The following SERPINI1 variants were observed in gnomAD, a reference collection of about 807,000 sequenced individuals.
SERPINI1 encodes serpin family I member 1, also known as neuroserpin.
In SERPINI1, 19 loss-of-function variants were observed where a neutral mutation model predicts 41.1. That is an observed-to-expected ratio of 0.46 (90% CI 0.32 to 0.68). The LOEUF (loss-of-function observed/expected upper bound fraction) is 0.68. Ranked by LOEUF, SERPINI1 falls within the 30% of genes least tolerant of loss-of-function variation. The probability of loss-of-function intolerance (pLI) is 0.03; values close to 1 mark genes in which losing one functional copy is unlikely to be tolerated. For missense variants in SERPINI1, 460 were observed against 479.2 expected (o/e 0.96, Z 0.37); for synonymous variants, 138 against 156.6 (o/e 0.88, Z 0.89).
intron 1 of SERPINI1, among the ~76,000 whole-genome samples, chr3:167,764,074 C>A (rs899819549): frequency 1.3e-5 from 2 of 152,094 alleles, no homozygotes; most frequent in African/African-American, 4.8e-5. Flanking sequence ...GCAAAAAACA[C>A]TTAAATAATT....
chr3:167,801,213 C>T lies in SERPINI1; in HGVS notation c.882-6031C>T, dbSNP rs552146160. Among the ~76,000 whole-genome samples the T allele has an allele frequency of 4.6e-5, 7 of 152,288 alleles. 1 individual carries two copies. In the South Asian group the frequency reaches 1.5e-3, roughly 32 times the overall value. ...CCTTATATGTGTTATAGTCTCCTAC[C>T]TAGGATATATTTGTTATTTTCTAAC... On this transcript the variant is annotated intron_variant, in intron 5 of 8. Coordinates refer to ENST00000446050, the MANE Select transcript of SERPINI1 (RefSeq NM_001122752.2).
chr3:167,801,644 G>T (rs1388843716), intron 5 of SERPINI1, among the ~76,000 whole-genome samples: 1 of 151,800 alleles, frequency 6.6e-6, no homozygotes, highest in Admixed American at 6.6e-5. Flanking sequence ...AGAGCATCAT[G>T]GAAATCATTA....
chr3:167,744,909 G>A (rs1489752783), intron 1 of SERPINI1, among the ~76,000 whole-genome samples: 2 of 139,840 alleles, frequency 1.4e-5, no homozygotes, highest in Admixed American at 1.5e-4. Flanking sequence ...AGTATTGAAG[G>A]GTGCCAAGCC....
chr3:167,823,564 G>T (rs900944582), intron 7 of SERPINI1, among the ~76,000 whole-genome samples: 1 of 151,756 alleles, frequency 6.6e-6, no homozygotes, highest in African/African-American at 2.4e-5. Context: ...GGGTAAATGG[G>T]GTATTCATCA....
intron 4 of SERPINI1, among the ~76,000 whole-genome samples, chr3:167,793,596 A>ATATT: frequency 2.1e-4 from 30 of 140,618 alleles, no homozygotes; most frequent in African/African-American, 7.7e-4. Context: ...ATATATATAT[A>ATATT]TTTTTAATTA....
chr3:167,779,570 A>T (rs551632442), intron 1 of SERPINI1, among the ~76,000 whole-genome samples: 2 of 152,336 alleles, frequency 1.3e-5, no homozygotes, highest in Admixed American at 1.3e-4. Flanking sequence ...CAAAACCCAT[A>T]GAGTCAGATA....
At chr3:167,805,242 G>T (rs1002207804) in intron 5 of SERPINI1, among the ~76,000 whole-genome samples, 1 of 152,014 alleles carries the variant, frequency 6.6e-6, no homozygotes, top group Non-Finnish European at 1.5e-5. Flanking sequence ...TCACCATTCT[G>T]ACTGGCGTGA....
At chr3:167,822,856 T>C (rs1438838842) in intron 6 of SERPINI1, 130 bp from the exon 7 acceptor site, 1 of 653,120 alleles carries the variant, frequency 1.5e-6, no homozygotes, top group Non-Finnish European at 2.8e-6. Context: ...TAATGAAATC[T>C]TTTAACATTA....
At chr3:167,758,906 A>T (rs1240869337) in intron 1 of SERPINI1, among the ~76,000 whole-genome samples, 1 of 152,218 alleles carries the variant, frequency 6.6e-6, no homozygotes, top group African/African-American at 2.4e-5. Flanking sequence ...TTCAAAATTA[A>T]AATTTAAAAT....
chr3:167,799,785 T>C (rs958368502), intron 5 of SERPINI1, among the ~76,000 whole-genome samples: 6 of 152,268 alleles, frequency 3.9e-5, no homozygotes, highest in Non-Finnish European at 7.3e-5. Context: ...TTTGCATTTC[T>C]CTAATGACCA....
intron 1 of SERPINI1, among the ~76,000 whole-genome samples, chr3:167,750,792 T>C (rs1726017634): frequency 6.6e-6 from 1 of 152,156 alleles, no homozygotes; most frequent in Admixed American, 6.5e-5. Flanking sequence ...AGCCAAAACA[T>C]AGTTCTGCAA....
chr3:167,781,073 T>G (rs1287283058), intron 1 of SERPINI1, among the ~76,000 whole-genome samples: 1 of 150,396 alleles, frequency 6.6e-6, no homozygotes, highest in Non-Finnish European at 1.5e-5. Flanking sequence ...AAATACAGAT[T>G]GTTTCACAAA....
chr3:167,811,214 A>C (rs1399502432), intron 6 of SERPINI1, among the ~76,000 whole-genome samples: 1 of 150,964 alleles, frequency 6.6e-6, no homozygotes, highest in Non-Finnish European at 1.5e-5. Context: ...TTCTTTCCAG[A>C]AGATTTTTTC....
At chr3:167,790,853 T>C (rs1005185985) in intron 3 of SERPINI1, among the ~76,000 whole-genome samples, 3 of 152,208 alleles carry the variant, frequency 2.0e-5, no homozygotes, top group African/African-American at 7.2e-5. Flanking sequence ...TACTCTCTGA[T>C]TGATGGGTTT....
chr3:167,806,247 T>C (rs754450456), intron 5 of SERPINI1, among the ~76,000 whole-genome samples: 5 of 151,860 alleles, frequency 3.3e-5, no homozygotes, highest in Non-Finnish European at 5.9e-5. Flanking sequence ...CCGGATGTTC[T>C]CACTCATAAG....
At chr3:167,772,186 T>G (rs1726778892) in intron 1 of SERPINI1, among the ~76,000 whole-genome samples, 1 of 152,234 alleles carries the variant, frequency 6.6e-6, no homozygotes, top group Non-Finnish European at 1.5e-5. Context: ...TTCATTATAC[T>G]GTTATTCCAT....
At chr3:167,806,164 C>T (rs1300048425) in intron 5 of SERPINI1, among the ~76,000 whole-genome samples, 1 of 152,078 alleles carries the variant, frequency 6.6e-6, no homozygotes, top group East Asian at 1.9e-4. Context: ...GAGTTCATTT[C>T]CTTTGCAGGG....
intron 6 of SERPINI1, among the ~76,000 whole-genome samples, chr3:167,807,707 A>G (rs531806021): frequency 6.6e-6 from 1 of 152,314 alleles, no homozygotes; most frequent in South Asian, 2.1e-4. Context: ...TAAGAAAGAA[A>G]GAAGGGAGGA....
At chr3:167,807,193 C>A (rs2108567194) in intron 5 of SERPINI1, 51 bp from the exon 6 acceptor site, 1 of 1,178,330 alleles carries the variant, frequency 8.5e-7, no homozygotes, top group Middle Eastern at 1.9e-4. Context: ...GTTCTTGTTC[C>A]AGGTAACAAG....
Sources: allele counts gnomAD v4.1 joint callset (sites outside exome capture counted in the v4.1 genomes callset), GRCh38; gene constraint gnomAD v4.1.1; transcripts MANE v1.5; gene names NCBI Gene and HGNC (gene_info 2026-07-23, HGNC 2026-07-21).